Variants in TASOR observed in about 807,000 individuals in gnomAD.
TASOR encodes the protein transcription activation suppressor.
TASOR carries 53 observed loss-of-function variants against 178.6 expected under a neutral mutation model. That is an observed-to-expected ratio of 0.30 (90% CI 0.24 to 0.37). The LOEUF is 0.37. Among genes scored for constraint, TASOR ranks in the 10% least tolerant of loss-of-function variants. The probability of loss-of-function intolerance (pLI) is 1.00; values close to 1 mark genes in which losing one functional copy is unlikely to be tolerated. For missense variants in TASOR, 1,815 were observed against 1,971.4 expected (o/e 0.92, Z 1.50); for synonymous variants, 713 against 696.2 (o/e 1.02, Z -0.38).
At chr3:56,640,858 T>A (rs1427170547) in intron 15 of TASOR, among the ~76,000 whole-genome samples, 2 of 152,168 alleles carry the variant, frequency 1.3e-5, no homozygotes. Flanking sequence ...TAAGCAAGGC[T>A]GAGAGTCACT....
chr3:56,633,834 T>G lies in TASOR; in HGVS notation c.2957A>C (p.Lys986Thr), dbSNP rs762389221. 3 of 1,614,044 alleles carry G rather than the reference T, an allele frequency of 1.9e-6. No homozygotes were observed. In the South Asian group the frequency reaches 3.3e-5, roughly 18 times the overall value. The stretch of plus-strand genomic sequence containing the variant: ...CAACACGTCATCCTCAGTGGTGCCC[T>G]TTAGTGTGTCTGTAAATGGAGAGGA... ...FPSSPFTDTL[K>T]GTTEDDVLTG... The change falls in exon 18 of 24, where the codon AAG becomes ACG. Residue 986 changes from lysine to threonine, a missense_variant. Coordinates refer to ENST00000683822, the MANE Select transcript of TASOR (RefSeq NM_001365635.2).
chr3:56,652,442 T>G (rs1348771878), intron 11 of TASOR, among the ~76,000 whole-genome samples: 1 of 151,448 alleles, frequency 6.6e-6, no homozygotes, highest in Non-Finnish European at 1.5e-5. Flanking sequence ...TAGCCCCAGC[T>G]ACCCAGGAGG....
rs1276519382 is a variant in TASOR at position 56,662,450 on chromosome 3, A to G, written c.1095T>C (p.Asn365=). The part of the protein sequence containing the change: ...NYTLWKGQLL[N]KGKLLCYISL... ...AAATATAACACAAAAGTTTTCCTTTATTTAAAAGCTGTCCTTTCCACAAGG... is the reference window on the plus strand; with the variant it reads ...AAATATAACACAAAAGTTTTCCTTTGTTTAAAAGCTGTCCTTTCCACAAGG... Residue 365 remains asparagine, a synonymous_variant, in exon 9 of 24, where the codon AAT becomes AAC. Coordinates refer to ENST00000683822, the MANE Select transcript of TASOR (RefSeq NM_001365635.2). 2 of 1,546,708 alleles carry G rather than the reference A, an allele frequency of 1.3e-6. No individual in the cohort carries two copies. Among genetic ancestry groups the G allele is most frequent in the Admixed American group, 4.0e-5 (2 of 50,436 alleles).
chr3:56,670,013 A>C (rs1393584275), intron 4 of TASOR, 60 bp downstream of exon 4: 1 of 1,147,362 alleles, frequency 8.7e-7, no homozygotes, highest in African/African-American at 1.6e-5. Context: ...TTACGAGACA[A>C]TGTATTTTTA....
At chr3:56,674,482 C>G (rs368151640) in intron 1 of TASOR, among the ~76,000 whole-genome samples, 1 of 152,130 alleles carries the variant, frequency 6.6e-6, no homozygotes, top group African/African-American at 2.4e-5. Context: ...GCACTCCAGT[C>G]TGGGAGTGAG....
In TASOR at chr3:56,646,695, ACT is replaced by A; in HGVS notation, c.2040_2041del (p.Arg680SerfsTer6). 1 of 1,613,760 alleles carries A rather than the reference ACT, an allele frequency of 6.2e-7. No homozygotes were observed. Among genetic ancestry groups the A allele is most frequent in the Non-Finnish European group, 8.5e-7 (1 of 1,179,978 alleles). ...CTGAATTAAATTAATCAATTCTTTG[ACT>A]CTATCCTTATCATAATCCAAAGAAT... On this transcript the variant is annotated frameshift_variant, in exon 14 of 24. Transcript: ENST00000683822. LOFTEE classifies it high-confidence loss of function.
rs1368981757 is a variant in TASOR at position 56,641,719 on chromosome 3, T to C, written c.2249A>G (p.Asp750Gly). ...CTGCTGCTGCCGCCTCAAGTCAGCA[T>C]CATGTCCAAGTGAGCCAATAGGCTG... ...SPQPIGSLGH[D>G]ADLRRQQQDT... is the part of the protein sequence containing the mutation. The change falls in exon 15 of 24, where the codon GAT becomes GGT. Residue 750 changes from aspartate to glycine, a missense_variant. Coordinates refer to ENST00000683822, the MANE Select transcript of TASOR (RefSeq NM_001365635.2). 1 of 1,614,104 alleles carries C rather than the reference T, an allele frequency of 6.2e-7. No homozygotes were observed. Among genetic ancestry groups the C allele is most frequent in the Non-Finnish European group, 8.5e-7 (1 of 1,179,986 alleles).
At position 56,653,029 on chromosome 3, in the gene TASOR, C is replaced by G. The variant is rs557765412; in HGVS notation, c.1369-3972G>C. Among the ~76,000 whole-genome samples, 3 of 152,126 alleles carry G rather than the reference C, an allele frequency of 2.0e-5. No homozygotes were observed. The South Asian group carries it at 6.2e-4, about 32-fold the overall frequency. On this transcript the variant is annotated intron_variant, in intron 11 of 23. Coordinates refer to ENST00000683822, the MANE Select transcript of TASOR (RefSeq NM_001365635.2). Reference sequence around the variant, plus strand: ...CCTGTAATCCCAGCACTTTGGGAGGCCGAGGCCAGTGGATCACCTGAGGTC... The same window carrying G: ...CCTGTAATCCCAGCACTTTGGGAGGGCGAGGCCAGTGGATCACCTGAGGTC...
Position 56,663,570 on chromosome 3 carries a change from G to T in TASOR, c.1025C>A (p.Ser342Tyr). ...GTTTCTATCTGTATTAAAGCTGTTA[G>T]ATCTACAAATTTTTTAAAAGAAAAG... ...QTPKFVPSSR[S>Y]NSFNTDRNID... Residue 342 changes from serine to tyrosine, a missense_variant and splice_region_variant, in exon 8 of 24, where the codon TCT becomes TAT. This residue lies in a region of TASOR where 504 missense variants were observed against 645.3 expected (regional missense o/e 0.78). Coordinates refer to ENST00000683822, the MANE Select transcript of TASOR (RefSeq NM_001365635.2). 1 of 1,232,530 alleles carries T rather than the reference G, an allele frequency of 8.1e-7. No individual in the cohort carries two copies. Among genetic ancestry groups the T allele is most frequent in the South Asian group, 1.5e-5 (1 of 66,168 alleles). 76.3% of individuals were successfully genotyped at this position (1,232,530 alleles called of 1,614,324 possible).
chr3:56,649,069 G>A lies in TASOR; in HGVS notation c.1369-12C>T, dbSNP rs2077295749. On this transcript the variant is annotated splice_polypyrimidine_tract_variant and intron_variant, in intron 11 of 23. Transcript: ENST00000683822. The stretch of plus-strand genomic sequence containing the variant: ...GGTTTAACAAGAACCTGTATTTTGA[G>A]GGGAAGGAAGAAGTTGTATCTGCTT... 1 of 1,588,584 alleles carries A rather than the reference G, an allele frequency of 6.3e-7. No homozygotes were observed. Among genetic ancestry groups the A allele is most frequent in the Non-Finnish European group, 8.6e-7 (1 of 1,168,792 alleles).
In TASOR at chr3:56,627,771, CAGAT is replaced by C. The variant is rs770345915; in HGVS notation, c.3871-34_3871-31del. 38 of 1,604,140 alleles carry C rather than the reference CAGAT, an allele frequency of 2.4e-5. No homozygotes were observed. In the East Asian group the frequency reaches 4.9e-4, roughly 21 times the overall value. On this transcript the variant is annotated intron_variant, in intron 19 of 23. Coordinates refer to ENST00000683822, the MANE Select transcript of TASOR (RefSeq NM_001365635.2). ...TTAAATCCCAAAACAAAAAGAGAAA[CAGAT>C]GGAGGGAATGAATTGACAGACTCAA... is the stretch of plus-strand genomic sequence containing the variant.
At chr3:56,681,390 T>C (rs948223041) in intron 1 of TASOR, among the ~76,000 whole-genome samples, 2 of 152,234 alleles carry the variant, frequency 1.3e-5, no homozygotes, top group African/African-American at 4.8e-5. Context: ...TCAAAAGATA[T>C]TTCTAGAAAC....
Position 56,628,481 on chromosome 3 carries a change from TAATA to T in TASOR, c.3870+7_3870+10del. 2 of 1,595,664 alleles carry T rather than the reference TAATA, an allele frequency of 1.3e-6. No homozygotes were observed. Among genetic ancestry groups the T allele is most frequent in the Non-Finnish European group, 1.7e-6 (2 of 1,171,754 alleles). On this transcript the variant is annotated splice_region_variant and intron_variant, in intron 19 of 23. Coordinates refer to ENST00000683822, the MANE Select transcript of TASOR (RefSeq NM_001365635.2). Reference sequence around the variant, plus strand: ...TAAAACCAAAGTAGTGAATTTGACTTAATAGTCTACCTTGTGAATGAAACCTGCA... The same window carrying T: ...TAAAACCAAAGTAGTGAATTTGACTTGTCTACCTTGTGAATGAAACCTGCA...
At chr3:56,649,164 A>G (rs1578236533) in intron 11 of TASOR, 107 bp from the exon 12 acceptor site, 2 of 684,822 alleles carry the variant, frequency 2.9e-6, no homozygotes, top group East Asian at 6.0e-5. Flanking sequence ...GTTCTTAATC[A>G]TCTTTTAAGA....
chr3:56,661,288 A>G (rs1450015883), intron 9 of TASOR, among the ~76,000 whole-genome samples: 3 of 152,182 alleles, frequency 2.0e-5, no homozygotes, highest in Non-Finnish European at 2.9e-5. Flanking sequence ...CTGGGACTAC[A>G]GGCATGTGCC....
rs535439752 is a variant in TASOR, at chr3:56,658,833, G to C, written c.1368+1898C>G. On this transcript the variant is annotated intron_variant, in intron 11 of 23. Coordinates refer to ENST00000683822, the MANE Select transcript of TASOR (RefSeq NM_001365635.2). Reference sequence around the variant, plus strand: ...GAGGCAGGAGAATCGCTTGAACCCGGAAGGTTGAACCCGGAGGTTGCAGTG... The same window carrying C: ...GAGGCAGGAGAATCGCTTGAACCCGCAAGGTTGAACCCGGAGGTTGCAGTG... Among the ~76,000 whole-genome samples the C allele has an allele frequency of 3.3e-5, 5 of 152,140 alleles. No homozygotes were observed. The East Asian group carries it at 5.8e-4, about 18-fold the overall frequency.
At chr3:56,624,371 A>AT in intron 23 of TASOR, 108 bp downstream of exon 23, 5 of 1,086,346 alleles carry the variant, frequency 4.6e-6, no homozygotes, top group Non-Finnish European at 6.7e-6. Flanking sequence ...ATGGCTGTTT[A>AT]TACTGAGGTA....
rs1032284954 is a variant in TASOR, at chr3:56,683,060, G to C, written c.-54C>G. On this transcript the variant is annotated 5_prime_UTR_variant, in exon 1 of 24. Transcript: ENST00000683822. ...TTCTGCCCACAAGGTCGACGGGTGT[G>C]GGGGGAAGGGGCGGCGGGCCAGTCT... 1 of 1,439,894 alleles carries C rather than the reference G, an allele frequency of 6.9e-7. No homozygotes were observed. The highest frequency in any genetic ancestry group is 9.2e-7 in the Non-Finnish European group (1 of 1,092,820). The allele number at this position is 1,439,894 out of a possible 1,614,324, so 89.2% of individuals were successfully genotyped here.
chr3:56,633,733 T>C lies in TASOR; in HGVS notation c.3058A>G (p.Thr1020Ala). 6.2e-7 allele frequency: 1 copy of C among 1,614,180 alleles called. No individual in the cohort carries two copies. Among genetic ancestry groups the C allele is most frequent in the Non-Finnish European group, 8.5e-7 (1 of 1,180,038 alleles). The change falls in exon 18 of 24, where the codon ACA (threonine) becomes GCA (alanine). Residue 1020 changes from threonine to alanine, a missense_variant. Thr to Ala is a moderately conservative substitution (Grantham distance 58). This residue lies in a region of TASOR where 655 missense variants were observed against 671.1 expected (regional missense o/e 0.98). Coordinates refer to ENST00000683822, the MANE Select transcript of TASOR (RefSeq NM_001365635.2). ...AAGAGATTGTACTCTCCTAACACTG[T>C]CCTCTCTGTGGTTTCGCTCACTGCA... ...PPAVSETTER[T>A]VLGEYNLFSR...
Sources: gnomAD v4.1 joint callset for allele counts (sites outside exome capture counted in the v4.1 genomes callset) on GRCh38, gnomAD v4.1.1 for gene constraint, gnomAD v4.1.1 regional missense constraint, MANE v1.5 for transcripts, NCBI Gene and HGNC (gene_info 2026-07-23, HGNC 2026-07-21) for gene names.